RASEF: variants seen among roughly 807,000 people sequenced by gnomAD.
RASEF encodes RAS and EF-hand domain containing.
A neutral mutation model predicts 90.1 loss-of-function variants in RASEF; 68 were observed. The observed-to-expected ratio is 0.75, with a 90% CI of 0.62 to 0.92. The LOEUF (loss-of-function observed/expected upper bound fraction) is 0.92. RASEF is among the 40% of genes least tolerant of loss of function. The pLI is 0.00. For missense variants in RASEF, 949 were observed against 937.2 expected, an observed-to-expected ratio of 1.01 and a Z score of -0.16; for synonymous variants, 331 against 345.2, an observed-to-expected ratio of 0.96 and a Z score of 0.46.
Position 83,062,739 on chromosome 9 carries a change from CCG to C in RASEF, c.127_128del (p.Arg43AlafsTer16). On this transcript the variant is annotated frameshift_variant, in exon 1 of 17. Transcript: ENST00000376447. LOFTEE classifies it high-confidence loss of function. ...FRALCTELRV[R>X]PADAEAVFQR... Reference sequence around the variant, plus strand: ...GGAATACTGCCTCGGCGTCGGCCGGCCGCACCCGCAGCTCCGTGCACAGTGCC... The same window carrying C: ...GGAATACTGCCTCGGCGTCGGCCGGCCACCCGCAGCTCCGTGCACAGTGCC... 1 of 1,569,060 alleles carries C rather than the reference CCG, an allele frequency of 6.4e-7. No homozygotes were observed.
chr9:83,160,597 A>C, the RASEF span, among the ~76,000 whole-genome samples: 1 of 152,208 alleles, frequency 6.6e-6, no homozygotes, highest in African/African-American at 2.4e-5. Flanking sequence ...AATGCAATGG[A>C]AAAGAAAATC....
the RASEF span, among the ~76,000 whole-genome samples, chr9:83,163,983 T>C: frequency 1.4e-5 from 2 of 138,504 alleles, no homozygotes; most frequent in Non-Finnish European, 3.1e-5. Context: ...AGAAAACAAA[T>C]CTTACTTGAG....
rs1379231850 is a variant in RASEF, at chr9:83,052,963, A to C, written c.431+9474T>G. Among the ~76,000 whole-genome samples the C allele has an allele frequency of 5.7e-5, 8 of 141,468 alleles. No homozygotes were observed. In the East Asian group the frequency reaches 8.4e-4, roughly 15 times the overall value. 92.8% of individuals were successfully genotyped at this position (141,468 alleles called of 152,430 possible). A position where few individuals can be genotyped will look rare whatever the true frequency, so the allele number is the denominator to read the frequency against. Reference sequence around the variant, plus strand: ...TTTGCTGAGGAGAGCTTTACTTCCAAGTATGTGGTCAATTTTGGAATAGGT... The same window carrying C: ...TTTGCTGAGGAGAGCTTTACTTCCACGTATGTGGTCAATTTTGGAATAGGT... On this transcript the variant is annotated intron_variant, in intron 1 of 16. Coordinates refer to ENST00000376447, the MANE Select transcript of RASEF (RefSeq NM_152573.4).
chr9:83,195,452 C>A, the RASEF span, among the ~76,000 whole-genome samples: 3 of 152,278 alleles, frequency 2.0e-5, no homozygotes, highest in South Asian at 6.2e-4. Flanking sequence ...AGGAGGCCCA[C>A]TGTGGCCATG....
At chr9:83,048,581 T>C in intron 1 of RASEF, 1 of 984,724 alleles carries the variant, frequency 1.0e-6, no homozygotes, top group Non-Finnish European at 1.2e-6. Context: ...AATGAATGAA[T>C]GAATGAATGA....
At chr9:83,154,479 T>G in the RASEF span, among the ~76,000 whole-genome samples, 1 of 152,188 alleles carries the variant, frequency 6.6e-6, no homozygotes, top group Admixed American at 6.6e-5. Flanking sequence ...GATTTCTCTC[T>G]GCATGAGTCA....
chr9:83,017,746 A>G (rs73467581), intron 3 of RASEF, among the ~76,000 whole-genome samples: 3,451 of 152,350 alleles, frequency 0.023, 130 homozygotes, highest in African/African-American at 0.078. Flanking sequence ...AGACAAAAGC[A>G]TTAAAAGTAC....
chr9:83,206,908 C>T, the RASEF span, among the ~76,000 whole-genome samples: 5 of 152,108 alleles, frequency 3.3e-5, no homozygotes, highest in Admixed American at 3.3e-4. Flanking sequence ...TCCATGGCTG[C>T]CTTACTCCTG....
At chr9:83,161,704 C>T in the RASEF span, among the ~76,000 whole-genome samples, 1 of 151,366 alleles carries the variant, frequency 6.6e-6, no homozygotes, top group African/African-American at 2.4e-5. Context: ...GATAGTTTGG[C>T]TGTGTCCCCA....
chr9:83,129,721 C>T, the RASEF span, among the ~76,000 whole-genome samples: 1 of 152,132 alleles, frequency 6.6e-6, no homozygotes, highest in Admixed American at 6.5e-5. Flanking sequence ...AAAAATTCTA[C>T]CCAGTTCAAT....
the RASEF span, among the ~76,000 whole-genome samples, chr9:83,160,713 C>G: frequency 6.6e-6 from 1 of 152,150 alleles, no homozygotes; most frequent in Non-Finnish European, 1.5e-5. Context: ...CAGGGTATGT[C>G]AGAGGTCTTC....
chr9:83,045,957 A>AT (rs1392708565), intron 1 of RASEF, among the ~76,000 whole-genome samples: 1 of 150,454 alleles, frequency 6.6e-6, no homozygotes, highest in Non-Finnish European at 1.5e-5. Flanking sequence ...ATCCTTGTGC[A>AT]TTTTGTCCTT....
chr9:83,094,873 G>A, the RASEF span, among the ~76,000 whole-genome samples: 2 of 152,300 alleles, frequency 1.3e-5, no homozygotes, highest in African/African-American at 2.4e-5. Flanking sequence ...CCCTGGTAGT[G>A]ATTCTTAGGC....
chr9:83,036,166 T>C (rs1305458211), intron 1 of RASEF, among the ~76,000 whole-genome samples: 1 of 152,198 alleles, frequency 6.6e-6, no homozygotes, highest in Non-Finnish European at 1.5e-5. Context: ...AAAACTTTCC[T>C]TTCAGGGGCA....
the RASEF span, among the ~76,000 whole-genome samples, chr9:83,096,597 C>T: frequency 6.6e-6 from 1 of 151,990 alleles, no homozygotes; most frequent in Admixed American, 6.6e-5. Context: ...GCTGATCCCT[C>T]ACCTACAGGG....
chr9:83,024,762 C>T (rs116107465), intron 2 of RASEF, among the ~76,000 whole-genome samples: 4,563 of 152,280 alleles, frequency 0.03, 211 homozygotes, highest in African/African-American at 0.1. Context: ...TTTTCTACAT[C>T]GTAATGAACC....
chr9:83,209,081 G>A, the RASEF span, among the ~76,000 whole-genome samples: 1 of 152,210 alleles, frequency 6.6e-6, no homozygotes, highest in Admixed American at 6.5e-5. Context: ...CCCCCACTGG[G>A]CTCTCTGGTC....
chr9:82,990,362 A>C, intron 16 of RASEF, 29 bp downstream of exon 16: 1 of 1,544,984 alleles, frequency 6.5e-7, no homozygotes, highest in Non-Finnish European at 8.9e-7. Flanking sequence ...GCGAAAATTC[A>C]ATCCTACATC....
At chr9:83,029,094 A>C (rs926180501) in intron 1 of RASEF, among the ~76,000 whole-genome samples, 1 of 152,200 alleles carries the variant, frequency 6.6e-6, no homozygotes, top group Non-Finnish European at 1.5e-5. Flanking sequence ...TTGTTACCAC[A>C]AATACCTAGG....
Sources: gnomAD v4.1 joint callset for allele counts (sites outside exome capture counted in the v4.1 genomes callset) on GRCh38, gnomAD v4.1.1 for gene constraint, MANE v1.5 for transcripts, NCBI Gene and HGNC (gene_info 2026-07-23, HGNC 2026-07-21) for gene names.